Variants in TTLL5 observed in about 807,000 individuals in gnomAD.
TTLL5 encodes tubulin tyrosine ligase like 5.
In TTLL5, 132 loss-of-function variants were observed where a neutral mutation model predicts 168.4. The observed-to-expected ratio is 0.78, with a 90% CI of 0.68 to 0.91. The LOEUF (loss-of-function observed/expected upper bound fraction) is 0.91. Ranked by LOEUF, TTLL5 falls within the 40% of genes least tolerant of loss-of-function variation. The pLI is 0.00. For missense variants in TTLL5, 1,545 were observed against 1,581.5 expected (o/e 0.98, Z 0.39); for synonymous variants, 546 against 558.6 (o/e 0.98, Z 0.32).
intron 31 of TTLL5, among the ~76,000 whole-genome samples, chr14:75,907,491 G>A (rs960421016): frequency 3.3e-5 from 5 of 152,152 alleles, no homozygotes; most frequent in Non-Finnish European, 7.3e-5. Flanking sequence ...TTACCTCTGG[G>A]GGAATATTTA....
chr14:75,675,729 G>C (rs566106887), intron 3 of TTLL5, among the ~76,000 whole-genome samples: 1 of 152,282 alleles, frequency 6.6e-6, no homozygotes, highest in African/African-American at 2.4e-5. Context: ...TCATGGGAGA[G>C]AAAGCCTAGG....
rs1249134223 is a variant in TTLL5, at chr14:75,863,667, G to A, written c.3327G>A (p.Arg1109=). The A allele has an allele frequency of 1.2e-6, 2 of 1,603,882 alleles. No homozygotes were observed. Among genetic ancestry groups the A allele is most frequent in the Admixed American group, 1.7e-5 (1 of 59,000 alleles). The change falls in exon 29 of 32, where the codon AGG becomes AGA. Residue 1109 remains arginine (R), a splice_region_variant and synonymous_variant. Coordinates refer to ENST00000298832, the MANE Select transcript of TTLL5 (RefSeq NM_015072.5). ...GAAACCTGCTTGCTTTTCTCTTCAGGAGCCTGCAGACAGGGGGATTTGCCT... is the reference window on the plus strand; with the variant it reads ...GAAACCTGCTTGCTTTTCTCTTCAGAAGCCTGCAGACAGGGGGATTTGCCT... ...PENHSSSPGS[R]SLQTGGFAWE...
At chr14:75,760,817 CAT>C (rs1890588250) in intron 18 of TTLL5, among the ~76,000 whole-genome samples, 1 of 151,982 alleles carries the variant, frequency 6.6e-6, no homozygotes, top group Admixed American at 6.6e-5. Context: ...TTGAAGAAAA[CAT>C]AATATCTTTG....
chr14:75,928,484 T>C (rs2034160517), intron 31 of TTLL5, among the ~76,000 whole-genome samples: 1 of 151,428 alleles, frequency 6.6e-6, no homozygotes. Context: ...AGACACGCAC[T>C]GAGCCACTTT....
intron 20 of TTLL5, among the ~76,000 whole-genome samples, chr14:75,767,636 T>C (rs1891045232): frequency 6.6e-6 from 1 of 152,072 alleles, no homozygotes; most frequent in African/African-American, 2.4e-5. Context: ...ACTAAAAAAT[T>C]GGATGTTGTT....
At chr14:75,843,037 C>T (rs1595136106) in intron 28 of TTLL5, among the ~76,000 whole-genome samples, 1 of 152,142 alleles carries the variant, frequency 6.6e-6, no homozygotes, top group African/African-American at 2.4e-5. Flanking sequence ...TCAGTATGCC[C>T]AAATTTCTTT....
Position 75,766,163 on chromosome 14 carries a change from CAGG to C in TTLL5, c.1816_1818del (p.Glu606del). On this transcript the variant is annotated inframe_deletion, in exon 20 of 32. Coordinates refer to ENST00000298832, the MANE Select transcript of TTLL5 (RefSeq NM_015072.5). ...TGAAGATGAAGAACAGGAGGCTTCC[CAGG>C]AGGAGTCTGCAGGATTTCTTAGAGA... 6.2e-7 allele frequency: 1 copy of C among 1,613,932 alleles called. No individual in the cohort carries two copies. The highest frequency in any genetic ancestry group is 8.5e-7 in the Non-Finnish European group (1 of 1,179,968).
At position 75,793,034 on chromosome 14, in the gene TTLL5, G is replaced by C; in HGVS notation, c.3105G>C (p.Arg1035=). The stretch of plus-strand genomic sequence containing the variant: ...GTATGGTTACAGCTGAACTTCAGCG[G>C]CTAGCTGAGAAGCAGGCAGCGAGAC... ...NQSMVTAELQ[R]LAEKQAARQY... The change falls in exon 27 of 32, where the codon CGG becomes CGC. Residue 1035 remains arginine, a synonymous_variant. Transcript: ENST00000298832. The C allele has an allele frequency of 1.9e-6, 3 of 1,613,736 alleles. No homozygotes were observed. Among genetic ancestry groups the C allele is most frequent in the Non-Finnish European group, 2.5e-6 (3 of 1,179,720 alleles).
Position 75,775,580 on chromosome 14 carries a change from A to G in TTLL5, c.2233A>G (p.Arg745Gly). ...TCGACGATTGGCACTTCTGGAACGCAGAAGAATCCTGGCCCACCAGCTGGG... is the reference window on the plus strand; with the variant it reads ...TCGACGATTGGCACTTCTGGAACGCGGAAGAATCCTGGCCCACCAGCTGGG... ...PSRRLALLER[R>G]RILAHQLGDF... The change falls in exon 22 of 32, where the codon AGA becomes GGA. Residue 745 changes from arginine to glycine, a missense_variant. Physicochemically the swap from Arg to Gly is moderately radical, Grantham distance 125. Transcript: ENST00000298832. 6.2e-7 allele frequency: 1 copy of G among 1,614,160 alleles called. No individual in the cohort carries two copies. The highest frequency in any genetic ancestry group is 8.5e-7 in the Non-Finnish European group (1 of 1,180,000).
intron 27 of TTLL5, among the ~76,000 whole-genome samples, chr14:75,812,327 A>T (rs1400411864): frequency 6.6e-6 from 1 of 152,208 alleles, no homozygotes; most frequent in Non-Finnish European, 1.5e-5. Context: ...CAGATTTCCC[A>T]CAGGCAGTTA....
intron 28 of TTLL5, among the ~76,000 whole-genome samples, chr14:75,821,095 A>T (rs1017702425): frequency 7.9e-5 from 12 of 152,186 alleles, no homozygotes; most frequent in African/African-American, 2.9e-4. Flanking sequence ...CATGGAGGAA[A>T]TACCTAGTTG....
At chr14:75,898,005 A>G (rs2140075325) in intron 30 of TTLL5, among the ~76,000 whole-genome samples, 1 of 152,306 alleles carries the variant, frequency 6.6e-6, no homozygotes, top group East Asian at 1.9e-4. Context: ...TGTAAAGTTA[A>G]TGGCACCTTT....
chr14:75,761,178 GT>G (rs1388649701), intron 18 of TTLL5, among the ~76,000 whole-genome samples: 1 of 152,132 alleles, frequency 6.6e-6, no homozygotes, highest in African/African-American at 2.4e-5. Flanking sequence ...GTAAAACCAC[GT>G]TATACCACTG....
intron 28 of TTLL5, among the ~76,000 whole-genome samples, chr14:75,837,597 C>CA (rs1284244091): frequency 6.6e-6 from 1 of 152,114 alleles, no homozygotes; most frequent in Non-Finnish European, 1.5e-5. Flanking sequence ...AATAACTCTA[C>CA]ATTCTTCCCT....
chr14:75,754,435 A>G (rs987072342), intron 18 of TTLL5, among the ~76,000 whole-genome samples: 1 of 152,222 alleles, frequency 6.6e-6, no homozygotes, highest in African/African-American at 2.4e-5. Context: ...TGCTTAAGAC[A>G]GGTAGTTTGC....
At chr14:75,783,658 T>C in intron 26 of TTLL5, 128 bp downstream of exon 26, 1 of 1,305,512 alleles carries the variant, frequency 7.7e-7, no homozygotes, top group Non-Finnish European at 1.0e-6. Flanking sequence ...ACTGCATTGT[T>C]CTGACGTGAC....
chr14:75,808,295 G>A (rs938485121), intron 27 of TTLL5, among the ~76,000 whole-genome samples: 1 of 152,152 alleles, frequency 6.6e-6, no homozygotes, highest in Non-Finnish European at 1.5e-5. Context: ...TAGTGCTGAG[G>A]TATTGGAACT....
intron 12 of TTLL5, among the ~76,000 whole-genome samples, chr14:75,726,676 A>T (rs1888202904): frequency 3.3e-5 from 5 of 152,288 alleles, no homozygotes; most frequent in African/African-American, 1.2e-4. Flanking sequence ...TCATGACAGG[A>T]TGTGATATTT....
chr14:75,668,270 C>G (rs564674596), intron 2 of TTLL5, among the ~76,000 whole-genome samples: 7 of 152,088 alleles, frequency 4.6e-5, no homozygotes, highest in African/African-American at 1.7e-4. Flanking sequence ...TGCTGAAATG[C>G]GATTAGGGAG....
Sources: gnomAD v4.1 joint callset for allele counts (sites outside exome capture counted in the v4.1 genomes callset) on GRCh38, gnomAD v4.1.1 for gene constraint, MANE v1.5 for transcripts, NCBI Gene and HGNC (gene_info 2026-07-23, HGNC 2026-07-21) for gene names.